The following ATG10 variants were observed in gnomAD, a reference collection of about 807,000 sequenced individuals.
The protein encoded by ATG10 is autophagy related 10.
A neutral mutation model predicts 32.1 loss-of-function variants in ATG10; 30 were observed. The observed-to-expected ratio is 0.94, with a 90% CI of 0.70 to 1.27. The LOEUF (loss-of-function observed/expected upper bound fraction) is 1.27. Among genes scored for constraint, ATG10 ranks in the 50% most tolerant of loss-of-function variants. The pLI is 0.00. For synonymous variants in ATG10, 87 were observed against 91.5 expected, an observed-to-expected ratio of 0.95 and a Z score of 0.28; for missense variants, 233 against 262.3, an observed-to-expected ratio of 0.89 and a Z score of 0.77.
In ATG10 at chr5:82,058,651, A is replaced by T. The variant is rs1044708704; in HGVS notation, c.216+49A>T. Reference sequence around the variant, plus strand: ...TCTTTTCAGTCTCCGTAAAGTATACATTTAAAAATGTATACTTTAATGACT... The same window carrying T: ...TCTTTTCAGTCTCCGTAAAGTATACTTTTAAAAATGTATACTTTAATGACT... On this transcript the variant is annotated intron_variant, in intron 3 of 7. Coordinates refer to ENST00000282185, the MANE Select transcript of ATG10 (RefSeq NM_031482.5). The T allele has an allele frequency of 3.1e-6, 4 of 1,289,166 alleles. No individual in the cohort carries two copies. In the Admixed American group the frequency reaches 7.0e-5, roughly 22 times the overall value. 79.9% of individuals were successfully genotyped at this position (1,289,166 alleles called of 1,614,324 possible). A position where few individuals can be genotyped will look rare whatever the true frequency, so the allele number is the denominator to read the frequency against.
chr5:82,041,375 G>T (rs1763077256), intron 2 of ATG10, among the ~76,000 whole-genome samples: 1 of 152,056 alleles, frequency 6.6e-6, no homozygotes, highest in South Asian at 2.1e-4. Flanking sequence ...AGTATTTTTG[G>T]ATAAATGAAT....
chr5:82,013,428 G>A (rs939878624), intron 2 of ATG10, among the ~76,000 whole-genome samples: 4 of 152,172 alleles, frequency 2.6e-5, no homozygotes, highest in African/African-American at 9.7e-5. Context: ...AGTAGTATTT[G>A]GGCTGGTTTC....
intron 2 of ATG10, among the ~76,000 whole-genome samples, chr5:82,003,741 G>T (rs1761913827): frequency 6.6e-6 from 1 of 152,182 alleles, no homozygotes; most frequent in Admixed American, 6.5e-5. Flanking sequence ...CAAATGGAAA[G>T]AAATAAGTAT....
chr5:82,002,098 C>T (rs1212734313), intron 2 of ATG10, among the ~76,000 whole-genome samples: 1 of 152,026 alleles, frequency 6.6e-6, no homozygotes, highest in Non-Finnish European at 1.5e-5. Context: ...ATACCATCTC[C>T]CACCAGTCAG....
chr5:82,208,165 T>C (rs1378053942), intron 5 of ATG10, among the ~76,000 whole-genome samples: 2 of 152,202 alleles, frequency 1.3e-5, no homozygotes, highest in Non-Finnish European at 2.9e-5. Context: ...CTCTGTTCCA[T>C]TCAGTTGTTT....
chr5:82,208,536 T>C (rs757009829), intron 5 of ATG10, among the ~76,000 whole-genome samples: 1 of 152,208 alleles, frequency 6.6e-6, no homozygotes, highest in African/African-American at 2.4e-5. Flanking sequence ...TTTCTTAGCT[T>C]CTTGTTTTGT....
At chr5:82,065,696 G>A (rs1467558535) in intron 3 of ATG10, among the ~76,000 whole-genome samples, 1 of 151,824 alleles carries the variant, frequency 6.6e-6, no homozygotes, top group African/African-American at 2.4e-5. Flanking sequence ...AGTGAAAAAC[G>A]TGATTTAACA....
rs1747394403 is a variant in ATG10 at position 82,254,629 on chromosome 5, T to C, written c.*566T>C. On this transcript the variant is annotated 3_prime_UTR_variant, in exon 8 of 8. Transcript: ENST00000282185. ...AAAAACAAATCTAACTTATTAATAC[T>C]AGGAATACCAACATTATTAGGGCAC... 1 of 151,404 alleles carries C rather than the reference T, an allele frequency of 6.6e-6. No homozygotes were observed. The highest frequency in any genetic ancestry group is 2.1e-4 in the South Asian group (1 of 4,764). 9.4% of individuals were successfully genotyped at this position (151,404 alleles called of 1,614,324 possible). A position where few individuals can be genotyped will look rare whatever the true frequency, so the allele number is the denominator to read the frequency against.
intron 2 of ATG10, among the ~76,000 whole-genome samples, chr5:81,991,450 T>G (rs1166485050): frequency 1.3e-5 from 2 of 152,176 alleles, no homozygotes; most frequent in Non-Finnish European, 2.9e-5. Flanking sequence ...AGTGAACATA[T>G]TCATCACCCA....
chr5:82,070,345 T>A (rs115080184), intron 3 of ATG10, among the ~76,000 whole-genome samples: 2,263 of 152,286 alleles, frequency 0.015, 16 homozygotes, highest in Non-Finnish European at 0.024. Context: ...TATTTTTAGA[T>A]AAGATTATTA....
At chr5:82,159,901 G>A (rs796669211) in intron 3 of ATG10, among the ~76,000 whole-genome samples, 83 of 152,214 alleles carry the variant, frequency 5.5e-4, no homozygotes, top group African/African-American at 2.0e-3. Context: ...TTAGTAATAA[G>A]AAATAACAAT....
intron 5 of ATG10, among the ~76,000 whole-genome samples, chr5:82,227,003 A>T (rs1489754702): frequency 4.6e-5 from 7 of 152,346 alleles, no homozygotes; most frequent in African/African-American, 1.4e-4. Context: ...TTTGTATTGT[A>T]TTAGAGATTA....
chr5:82,095,956 T>G (rs1386786935), intron 3 of ATG10, among the ~76,000 whole-genome samples: 1 of 152,214 alleles, frequency 6.6e-6, no homozygotes, highest in Non-Finnish European at 1.5e-5. Flanking sequence ...TTTACACCCC[T>G]GTGATGGTCC....
chr5:82,206,116 T>C lies in ATG10; in HGVS notation c.453+27529T>C, dbSNP rs184169636. Among the ~76,000 whole-genome samples, 3 of 152,248 alleles carry C rather than the reference T, an allele frequency of 2.0e-5. No individual in the cohort carries two copies. The East Asian group carries it at 5.8e-4, about 29-fold the overall frequency. On this transcript the variant is annotated intron_variant, in intron 5 of 7. Transcript: ENST00000282185. ...ATTCTTGTATTGATAAGTTTCTGAG[T>C]GTGGCTATTGGAGTGCTATGCTGAC...
At chr5:82,026,803 G>A (rs953942561) in intron 2 of ATG10, among the ~76,000 whole-genome samples, 5 of 152,150 alleles carry the variant, frequency 3.3e-5, no homozygotes, top group Admixed American at 3.3e-4. Flanking sequence ...GCTCACGCCT[G>A]TAGTCCCAGC....
At chr5:82,119,462 A>G (rs1159955589) in intron 3 of ATG10, among the ~76,000 whole-genome samples, 1 of 151,916 alleles carries the variant, frequency 6.6e-6, no homozygotes, top group Non-Finnish European at 1.5e-5. Context: ...CTTTATTACC[A>G]TGTTTTTTCT....
At chr5:82,111,617 T>C (rs1765624593) in intron 3 of ATG10, among the ~76,000 whole-genome samples, 1 of 151,960 alleles carries the variant, frequency 6.6e-6, no homozygotes, top group Admixed American at 6.6e-5. Flanking sequence ...ATGAATTAAA[T>C]TGAAGCCTTA....
chr5:82,139,821 C>A lies in ATG10; in HGVS notation c.217-24578C>A, dbSNP rs868157877. Among the ~76,000 whole-genome samples, 8 of 139,388 alleles carry A rather than the reference C, an allele frequency of 5.7e-5. No homozygotes were observed. In the East Asian group the frequency reaches 1.6e-3, roughly 28 times the overall value. 91.4% of individuals were successfully genotyped at this position (139,388 alleles called of 152,430 possible). A position where few individuals can be genotyped will look rare whatever the true frequency, so the allele number is the denominator to read the frequency against. Reference sequence around the variant, plus strand: ...AGGAGCCCCTCAGCCCGGCCAGCCACCCCATCCGGGAGGGAGATGGGGGGG... The same window carrying A: ...AGGAGCCCCTCAGCCCGGCCAGCCAACCCATCCGGGAGGGAGATGGGGGGG... On this transcript the variant is annotated intron_variant, in intron 3 of 7. Coordinates refer to ENST00000282185, the MANE Select transcript of ATG10 (RefSeq NM_031482.5).
chr5:82,099,233 A>C (rs1313205110), intron 3 of ATG10, among the ~76,000 whole-genome samples: 2 of 152,158 alleles, frequency 1.3e-5, no homozygotes, highest in Non-Finnish European at 2.9e-5. Context: ...TCCCTATTTC[A>C]TGGTAGCCTG....
Sources: gnomAD v4.1 joint callset for allele counts (sites outside exome capture counted in the v4.1 genomes callset) on GRCh38, gnomAD v4.1.1 for gene constraint, MANE v1.5 for transcripts, NCBI Gene and HGNC (gene_info 2026-07-23, HGNC 2026-07-21) for gene names.